CFAP299: variants seen among roughly 807,000 people sequenced by gnomAD.
The protein encoded by CFAP299 is cilia and flagella associated protein 299, also known as cilia- and flagella-associated protein 299.
CFAP299 carries 21 observed loss-of-function variants against 27.0 expected under a neutral mutation model. The observed-to-expected ratio is 0.78, with a 90% CI of 0.55 to 1.12. The LOEUF is 1.12. CFAP299 is among the 50% of genes most tolerant of loss of function. The probability of loss-of-function intolerance (pLI) is 0.00; values close to 1 mark genes in which losing one functional copy is unlikely to be tolerated. For missense variants in CFAP299, 310 were observed against 276.6 expected, an observed-to-expected ratio of 1.12 and a Z score of -0.86; for synonymous variants, 104 against 98.1, an observed-to-expected ratio of 1.06 and a Z score of -0.36.
intron 3 of CFAP299, among the ~76,000 whole-genome samples, chr4:80,669,141 C>CTTTTTTTTTTTTTTTTTTTTTT (rs1741311885): frequency 3.3e-5 from 1 of 30,726 alleles, no homozygotes; most frequent in African/African-American, 1.2e-4. Flanking sequence ...GTCTTTCTTT[C>CTTTTTTTTTTTTTTTTTTTTTT]TTTCTTTCTT....
In CFAP299 at chr4:80,853,924, A is replaced by G. The variant is rs180960546; in HGVS notation, c.334-16069A>G. On this transcript the variant is annotated intron_variant, in intron 3 of 5. Coordinates refer to ENST00000358105, the MANE Select transcript of CFAP299 (RefSeq NM_152770.3). ...TATGAGACCTTAGAGAAGAGAGAAA[A>G]GAATATATACACTAGTCTGAAATTC... 3.9e-3 allele frequency among the ~76,000 whole-genome samples: 587 copies of G among 152,280 alleles called. 1 individual carries two copies. Among genetic ancestry groups the G allele is most frequent in the Middle Eastern group, 0.014 (4 of 294 alleles).
intron 3 of CFAP299, among the ~76,000 whole-genome samples, chr4:80,754,887 G>A (rs923166813): frequency 6.6e-6 from 1 of 152,098 alleles, no homozygotes; most frequent in African/African-American, 2.4e-5. Flanking sequence ...TCTCCAGTGA[G>A]TTCAGGAAAA....
chr4:80,462,259 A>T (rs1435604743), intron 2 of CFAP299, among the ~76,000 whole-genome samples: 1 of 152,154 alleles, frequency 6.6e-6, no homozygotes, highest in Non-Finnish European at 1.5e-5. Context: ...TTAAAAAATA[A>T]ATGAAGTAAA....
At chr4:80,895,154 C>T (rs894357458) in intron 4 of CFAP299, among the ~76,000 whole-genome samples, 1 of 145,590 alleles carries the variant, frequency 6.9e-6, no homozygotes, top group African/African-American at 2.7e-5. Flanking sequence ...CAGATAATAG[C>T]TCTTAAATGT....
At position 80,640,321 on chromosome 4, in the gene CFAP299, C is replaced by T. The variant is rs147245604; in HGVS notation, c.333+57138C>T. On this transcript the variant is annotated intron_variant, in intron 3 of 5. Coordinates refer to ENST00000358105, the MANE Select transcript of CFAP299 (RefSeq NM_152770.3). ...GTATCAGAGCTGGCAAGAGGTGAAACCTGGAATAGTAGACTGAGACCAGGT... is the reference window on the plus strand; with the variant it reads ...GTATCAGAGCTGGCAAGAGGTGAAATCTGGAATAGTAGACTGAGACCAGGT... Among the ~76,000 whole-genome samples, 15 of 152,150 alleles carry T rather than the reference C, an allele frequency of 9.9e-5. No homozygotes were observed. The East Asian group carries it at 2.7e-3, about 27-fold the overall frequency.
At chr4:80,722,969 A>G (rs1179696589) in intron 3 of CFAP299, among the ~76,000 whole-genome samples, 4 of 152,160 alleles carry the variant, frequency 2.6e-5, no homozygotes, top group African/African-American at 9.7e-5. Flanking sequence ...CAAAGAAGAC[A>G]GATGGATGGC....
intron 2 of CFAP299, among the ~76,000 whole-genome samples, chr4:80,390,499 ATG>A (rs1725270292): frequency 6.8e-6 from 1 of 147,766 alleles, no homozygotes. Flanking sequence ...CTCTATATAT[ATG>A]TATATATACA....
chr4:80,887,018 G>A (rs778374994), intron 4 of CFAP299, among the ~76,000 whole-genome samples: 1 of 151,610 alleles, frequency 6.6e-6, no homozygotes, highest in Non-Finnish European at 1.5e-5. Context: ...TAGCCTATTC[G>A]AAAATACACA....
At chr4:80,874,270 G>A (rs962424967) in intron 4 of CFAP299, among the ~76,000 whole-genome samples, 1 of 152,078 alleles carries the variant, frequency 6.6e-6, no homozygotes, top group South Asian at 2.1e-4. Flanking sequence ...TTTGAAAGAG[G>A]GGGAAATACT....
At chr4:80,889,324 G>C (rs1229651519) in intron 4 of CFAP299, among the ~76,000 whole-genome samples, 2 of 151,660 alleles carry the variant, frequency 1.3e-5, no homozygotes, top group Non-Finnish European at 2.9e-5. Flanking sequence ...GAAATTCAAA[G>C]GAACATTAGT....
At chr4:80,870,471 C>G in intron 4 of CFAP299, 3 of 1,002,796 alleles carry the variant, frequency 3.0e-6, no homozygotes, top group Non-Finnish European at 3.6e-6. Flanking sequence ...AACTGCTCAT[C>G]TAACATGTTT....
intron 4 of CFAP299, among the ~76,000 whole-genome samples, chr4:80,908,200 G>A (rs1253007981): frequency 6.6e-6 from 1 of 152,194 alleles, no homozygotes; most frequent in Non-Finnish European, 1.5e-5. Context: ...TAGAGCGTGT[G>A]TAATGCACTG....
chr4:80,581,453 G>GATTATAT (rs1553936102), intron 2 of CFAP299, among the ~76,000 whole-genome samples: 3 of 103,018 alleles, frequency 2.9e-5, no homozygotes, highest in African/African-American at 1.9e-4. Context: ...TATTAAGTGA[G>GATTATAT]ATATATATAT....
chr4:80,387,784 T>G, intron 2 of CFAP299: 1 of 1,585,982 alleles, frequency 6.3e-7, no homozygotes, highest in Non-Finnish European at 8.7e-7. Context: ...CTTGTCACAG[T>G]ATGGGCACTT....
At chr4:80,793,066 C>T (rs1323978305) in intron 3 of CFAP299, among the ~76,000 whole-genome samples, 1 of 151,224 alleles carries the variant, frequency 6.6e-6, no homozygotes, top group Non-Finnish European at 1.5e-5. Flanking sequence ...CTCTAGTGGA[C>T]AGAACTAATA....
At chr4:80,856,601 G>A (rs34464656) in intron 3 of CFAP299, among the ~76,000 whole-genome samples, 18,754 of 140,854 alleles carry the variant, frequency 0.13, 1,206 homozygotes, top group Middle Eastern at 0.23. Context: ...GGAAGGGATC[G>A]AGTTTCAGCT....
intron 3 of CFAP299, among the ~76,000 whole-genome samples, chr4:80,682,822 A>C (rs909623617): frequency 6.6e-6 from 1 of 152,078 alleles, no homozygotes; most frequent in Non-Finnish European, 1.5e-5. Flanking sequence ...GTCATCCCAC[A>C]TATTAAAACT....
intron 4 of CFAP299, among the ~76,000 whole-genome samples, chr4:80,932,415 C>T (rs558093333): frequency 8.3e-4 from 126 of 152,154 alleles, no homozygotes; most frequent in African/African-American, 2.9e-3. Context: ...ATATTCCTAT[C>T]AACCCAAATA....
chr4:80,891,785 A>AT (rs1553903774), intron 4 of CFAP299, among the ~76,000 whole-genome samples: 3,741 of 115,858 alleles, frequency 0.032, 159 homozygotes, highest in East Asian at 0.13. Context: ...AATTAAAAAA[A>AT]AAATAAAAAA....
Sources: allele counts gnomAD v4.1 joint callset (sites outside exome capture counted in the v4.1 genomes callset), GRCh38; gene constraint gnomAD v4.1.1; transcripts MANE v1.5; gene names NCBI Gene and HGNC (gene_info 2026-07-23, HGNC 2026-07-21).